Variants in AHR observed in about 807,000 individuals in gnomAD.
AHR encodes the protein AH-receptor.
In AHR, 40 loss-of-function variants were observed where a neutral mutation model predicts 86.8. That is an observed-to-expected ratio of 0.46 (90% CI 0.36 to 0.60). The LOEUF (loss-of-function observed/expected upper bound fraction) is 0.60. AHR is among the 20% of genes least tolerant of loss of function. AHR has a pLI of 0.00. For missense variants in AHR, 1,001 were observed against 1,011.6 expected (o/e 0.99, Z 0.14); for synonymous variants, 398 against 354.9 (o/e 1.12, Z -1.37).
At chr7:17,309,808 G>A (rs910538554) in intron 1 of AHR, 128 bp from the exon 2 acceptor site, 5 of 769,606 alleles carry the variant, frequency 6.5e-6, no homozygotes, top group African/African-American at 5.2e-5. Flanking sequence ...AAAGACTTAC[G>A]TAAACTTTAA....
intron 10 of AHR, among the ~76,000 whole-genome samples, chr7:17,341,291 C>G (rs1782421051): frequency 6.6e-6 from 1 of 151,840 alleles, no homozygotes; most frequent in Non-Finnish European, 1.5e-5. Flanking sequence ...TTTTCTTATT[C>G]CTTACATCCT....
intron 1 of AHR, among the ~76,000 whole-genome samples, chr7:17,302,801 CAA>C (rs1366332462): frequency 7.2e-6 from 1 of 139,180 alleles, no homozygotes. Context: ...TAAAACAGAA[CAA>C]AAAAAAAATA....
Position 17,335,702 on chromosome 7 carries a change from G to A in AHR, c.1076G>A (p.Arg359Gln), listed in dbSNP as rs146411430. 3.1e-4 allele frequency: 494 copies of A among 1,608,210 alleles called. No individual in the cohort carries two copies. Among genetic ancestry groups the A allele is most frequent in the Non-Finnish European group, 4.0e-4 (472 of 1,176,450 alleles). The change falls in exon 9 of 11, where the codon CGA becomes CAA. Residue 359 changes from arginine (R) to glutamine (Q), a missense_variant. By Grantham distance (43) the Arg-to-Gln change is conservative. Coordinates refer to ENST00000242057, the MANE Select transcript of AHR (RefSeq NM_001621.5). Reference protein sequence around the residue: ...IVFRLLTKNNRWTWVQSNARL... With the variant: ...IVFRLLTKNNQWTWVQSNARL... ...TTCCGGCTTCTTACAAAAAACAACC[G>A]ATGGACTTGGGTCCAGTCTAATGCA...
chr7:17,328,861 T>G (rs1248703638), intron 4 of AHR, among the ~76,000 whole-genome samples: 1 of 151,940 alleles, frequency 6.6e-6, no homozygotes, highest in Non-Finnish European at 1.5e-5. Context: ...CTAGGAAGAT[T>G]TAAGTGTAGA....
In AHR at chr7:17,299,065, C is replaced by A; in HGVS notation, c.-200C>A. The A allele has an allele frequency of 1.8e-6, 1 of 554,832 alleles. No individual in the cohort carries two copies. Among genetic ancestry groups the A allele is most frequent in the Non-Finnish European group, 3.0e-6 (1 of 331,908 alleles). The allele number at this position is 554,832 out of a possible 1,614,324, so 34.4% of individuals were successfully genotyped here. A position where few individuals can be genotyped will look rare whatever the true frequency, so the allele number is the denominator to read the frequency against. On this transcript the variant is annotated 5_prime_UTR_variant, in exon 1 of 11. In the 5' UTR this introduces an upstream ATG that the reference lacks. Coordinates refer to ENST00000242057, the MANE Select transcript of AHR (RefSeq NM_001621.5). ...GCCAGGCCCAGGCAGCTCACCTGTACTGGCGCGGGCTGCGGAAGCCTGCGT... is the reference window on the plus strand; with the variant it reads ...GCCAGGCCCAGGCAGCTCACCTGTAATGGCGCGGGCTGCGGAAGCCTGCGT...
chr7:17,329,994 G>A lies in AHR; in HGVS notation c.493G>A (p.Glu165Lys), dbSNP rs745696562. 1.9e-6 allele frequency: 3 copies of A among 1,610,892 alleles called. No individual in the cohort carries two copies. The highest frequency in any genetic ancestry group is 1.3e-5 in the African/African-American group (1 of 74,850). ...GAGTGTATATGAACTTATCCATACCGAAGACCGAGCTGAATTTCAGCGTCA... is the reference window on the plus strand; with the variant it reads ...GAGTGTATATGAACTTATCCATACCAAAGACCGAGCTGAATTTCAGCGTCA... ...HQSVYELIHT[E>K]DRAEFQRQLH... is the part of the protein sequence containing the mutation. The change falls in exon 5 of 11, where the codon GAA becomes AAA. Residue 165 changes from glutamate to lysine, a missense_variant. Physicochemically the swap from Glu to Lys is moderately conservative, Grantham distance 56. Around this residue, in one of 2 missense-constraint regions of AHR, gnomAD observed 394 missense variants for 468.5 expected, o/e 0.84. Transcript: ENST00000242057.
intron 1 of AHR, among the ~76,000 whole-genome samples, chr7:17,300,735 C>G (rs925530831): frequency 6.6e-6 from 1 of 152,076 alleles, no homozygotes; most frequent in Non-Finnish European, 1.5e-5. Flanking sequence ...TCTTATTTGA[C>G]ATTGTCATTG....
At chr7:17,307,164 G>A (rs768795166) in intron 1 of AHR, among the ~76,000 whole-genome samples, 14 of 152,014 alleles carry the variant, frequency 9.2e-5, no homozygotes, top group Non-Finnish European at 1.6e-4. Flanking sequence ...CACATGGAGG[G>A]ATACCTTTAT....
intron 7 of AHR, among the ~76,000 whole-genome samples, chr7:17,334,377 G>A (rs73081742): frequency 7.9e-5 from 12 of 151,968 alleles, no homozygotes; most frequent in Admixed American, 2.0e-4. Context: ...ATTTATGTTG[G>A]TTTGTTTTAC....
At chr7:17,342,501 C>A (rs1156427287) in intron 10 of AHR, among the ~76,000 whole-genome samples, 1 of 151,986 alleles carries the variant, frequency 6.6e-6, no homozygotes, top group African/African-American at 2.4e-5. Flanking sequence ...TTTTGCATTC[C>A]AGTGTAAGAT....
At chr7:17,314,925 C>T (rs1006999912) in intron 2 of AHR, among the ~76,000 whole-genome samples, 1 of 151,952 alleles carries the variant, frequency 6.6e-6, no homozygotes, top group Non-Finnish European at 1.5e-5. Flanking sequence ...AACAGTTTAG[C>T]ACATTTGAAA....
intron 2 of AHR, among the ~76,000 whole-genome samples, chr7:17,321,444 T>G (rs942386431): frequency 6.6e-6 from 1 of 151,968 alleles, no homozygotes; most frequent in African/African-American, 2.4e-5. Flanking sequence ...AGGTAAGGTT[T>G]GAGCCCAATT....
At chr7:17,321,922 A>C (rs1223429063) in intron 2 of AHR, among the ~76,000 whole-genome samples, 1 of 152,080 alleles carries the variant, frequency 6.6e-6, no homozygotes, top group African/African-American at 2.4e-5. Flanking sequence ...CCATGAGTTA[A>C]TTTATAAATT....
intron 9 of AHR, among the ~76,000 whole-genome samples, chr7:17,337,834 T>C (rs894947311): frequency 5.3e-5 from 8 of 152,194 alleles, no homozygotes; most frequent in African/African-American, 1.9e-4. Context: ...CATTTACCTG[T>C]TTTTCTGTTG....
intron 2 of AHR, among the ~76,000 whole-genome samples, chr7:17,315,226 G>A (rs1782103606): frequency 6.6e-6 from 1 of 151,798 alleles, no homozygotes; most frequent in Admixed American, 6.6e-5. Context: ...GACCTCTTTG[G>A]TTCAGGAATT....
chr7:17,300,356 T>G (rs1781942309), intron 1 of AHR, among the ~76,000 whole-genome samples: 1 of 152,244 alleles, frequency 6.6e-6, no homozygotes, highest in Non-Finnish European at 1.5e-5. Context: ...TAAGAACTCT[T>G]AAACGTCTTC....
At chr7:17,322,230 G>A (rs1212721701) in intron 2 of AHR, among the ~76,000 whole-genome samples, 2 of 151,856 alleles carry the variant, frequency 1.3e-5, no homozygotes, top group Non-Finnish European at 2.9e-5. Flanking sequence ...AAATTATATC[G>A]TGAACTCATC....
At chr7:17,323,433 T>G (rs1212662476) in intron 3 of AHR, among the ~76,000 whole-genome samples, 1 of 152,164 alleles carries the variant, frequency 6.6e-6, no homozygotes, top group Non-Finnish European at 1.5e-5. Flanking sequence ...GTTTCTAATT[T>G]GTCTATGAAA....
Position 17,299,085 on chromosome 7 carries a change from C to G in AHR, c.-180C>G. The G allele has an allele frequency of 1.6e-6, 1 of 609,334 alleles. No individual in the cohort carries two copies. Among genetic ancestry groups the G allele is most frequent in the Non-Finnish European group, 2.6e-6 (1 of 379,392 alleles). 37.7% of individuals were successfully genotyped at this position (609,334 alleles called of 1,614,324 possible). ...CTGTACTGGCGCGGGCTGCGGAAGC[C>G]TGCGTGAGCCGAGGCGTTGAGGCGC... is the stretch of plus-strand genomic sequence containing the variant. On this transcript the variant is annotated 5_prime_UTR_variant, in exon 1 of 11. Coordinates refer to ENST00000242057, the MANE Select transcript of AHR (RefSeq NM_001621.5).
Sources: allele counts gnomAD v4.1 joint callset (sites outside exome capture counted in the v4.1 genomes callset), GRCh38; gene constraint gnomAD v4.1.1; regional missense constraint gnomAD v4.1.1; transcripts MANE v1.5; gene names NCBI Gene and HGNC (gene_info 2026-07-23, HGNC 2026-07-21).